The following DLGAP3 variants were observed in gnomAD, a reference collection of about 807,000 sequenced individuals.
The protein encoded by DLGAP3 is DLG associated protein 3, also known as disks large-associated protein 3.
Under a neutral mutation model 81.2 loss-of-function variants are expected in DLGAP3, and 17 were observed. The ratio of observed to expected loss-of-function variants is 0.21; its 90% CI spans 0.14 to 0.31. DLGAP3 has a LOEUF of 0.31. DLGAP3 is among the 10% of genes least tolerant of loss of function. DLGAP3 has a pLI of 1.00. For synonymous variants in DLGAP3, 577 were observed against 587.4 expected (o/e 0.98, Z 0.26); for missense variants, 1,124 against 1,388.0 (o/e 0.81, Z 3.02).
intron 2 of DLGAP3, among the ~76,000 whole-genome samples, chr1:34,906,640 T>C (rs915898770): frequency 2.1e-5 from 3 of 145,706 alleles, no homozygotes; most frequent in African/African-American, 7.3e-5. Flanking sequence ...AGGGGAATCA[T>C]GAAGGAGGAA....
At chr1:34,870,055 A>G (rs191252098) in intron 8 of DLGAP3, among the ~76,000 whole-genome samples, 2 of 152,358 alleles carry the variant, frequency 1.3e-5, no homozygotes, top group African/African-American at 4.8e-5. Context: ...GGCTCAGCCC[A>G]GAGCCTGGCC....
At chr1:34,876,441 A>G (rs1639058148) in intron 8 of DLGAP3, among the ~76,000 whole-genome samples, 1 of 152,236 alleles carries the variant, frequency 6.6e-6, no homozygotes, top group Admixed American at 6.5e-5. Context: ...AGAGAGTCAA[A>G]GAAAATGGGG....
At position 34,866,125 on chromosome 1, in the gene DLGAP3, G is replaced by A; in HGVS notation, c.2898C>T (p.Asp966=). Residue 966 remains aspartate (D), a synonymous_variant, in exon 12 of 12, where the codon GAC becomes GAT. Coordinates refer to ENST00000373347, the MANE Select transcript of DLGAP3 (RefSeq NM_001080418.3). ...CCTCGGGGATGTAGATCTCGATGCT[G>A]TCGGCGCTCTCGGTGGCCGAGCTGT... ...FRHSSATESA[D]SIEIYIPEAQ... 20 of 1,596,182 alleles carry A rather than the reference G, an allele frequency of 1.3e-5. No individual in the cohort carries two copies. The highest frequency in any genetic ancestry group is 1.7e-5 in the Non-Finnish European group (20 of 1,177,730).
chr1:34,881,766 T>C lies in DLGAP3; in HGVS notation c.2000+3212A>G, dbSNP rs573469726. On this transcript the variant is annotated intron_variant, in intron 8 of 11. Transcript: ENST00000373347. Reference sequence around the variant, plus strand: ...TTCATATAATTCACCATGTTACACATGGAAGGAGAAAAATCTATGATCATC... The same window carrying C: ...TTCATATAATTCACCATGTTACACACGGAAGGAGAAAAATCTATGATCATC... 3.3e-5 allele frequency among the ~76,000 whole-genome samples: 5 copies of C among 152,232 alleles called. No homozygotes were observed. The South Asian group carries it at 8.3e-4, about 25-fold the overall frequency.
At chr1:34,899,822 T>G in intron 4 of DLGAP3, 81 bp from the exon 5 acceptor site, 4 of 1,324,690 alleles carry the variant, frequency 3.0e-6, no homozygotes, top group Non-Finnish European at 3.3e-6. Context: ...CTGGGGCCCC[T>G]GAGTAAGTCC....
chr1:34,925,048 T>C (rs1203232203), intron 1 of DLGAP3, among the ~76,000 whole-genome samples: 1 of 152,078 alleles, frequency 6.6e-6, no homozygotes, highest in Non-Finnish European at 1.5e-5. Flanking sequence ...CCCAGCGACA[T>C]TGCCGGCCCC....
chr1:34,920,495 A>G (rs1197544812), intron 1 of DLGAP3, among the ~76,000 whole-genome samples: 4 of 152,122 alleles, frequency 2.6e-5, no homozygotes, highest in Non-Finnish European at 4.4e-5. Context: ...TCCCCTACTA[A>G]AACAGCAGAT....
intron 1 of DLGAP3, among the ~76,000 whole-genome samples, chr1:34,911,180 G>C (rs553185923): frequency 6.6e-6 from 1 of 151,984 alleles, no homozygotes; most frequent in African/African-American, 2.4e-5. Flanking sequence ...TGTCTGTGTT[G>C]CCAGCCCAGA....
intron 5 of DLGAP3, among the ~76,000 whole-genome samples, chr1:34,894,052 G>T (rs1639350732): frequency 6.6e-6 from 1 of 152,126 alleles, no homozygotes; most frequent in Admixed American, 6.6e-5. Context: ...GCCAGGCATG[G>T]TGGTATGTGT....
chr1:34,904,682 GTGGTGGTGGTGA>G lies in DLGAP3; in HGVS notation c.690_701del (p.His231_His234del), dbSNP rs771427418. 2.4e-5 allele frequency: 38 copies of G among 1,613,662 alleles called. No individual in the cohort carries two copies. Among genetic ancestry groups the G allele is most frequent in the African/African-American group, 9.3e-5 (7 of 74,918 alleles). On this transcript the variant is annotated inframe_deletion, in exon 3 of 12. Transcript: ENST00000373347. This position sits in a 1 kb window ranked among gnomAD's most constrained non-coding sequence, Gnocchi z 8.1. ...TGCTCCTCTTGCCGTGCCGGGACTG[GTGGTGGTGGTGA>G]TGGTGGTGGTGATGGTGGTGATGGG...
chr1:34,873,388 G>A lies in DLGAP3; in HGVS notation c.2001-4299C>T, dbSNP rs376350240. 6.6e-5 allele frequency among the ~76,000 whole-genome samples: 10 copies of A among 152,338 alleles called. No homozygotes were observed. Among genetic ancestry groups the A allele is most frequent in the East Asian group, 3.9e-4 (2 of 5,188 alleles). ...TTGGGTGGGGGCAGCGGAACAGAGC[G>A]GTTAGGCCCGTGTGCTCTGGAGCCT... is the stretch of plus-strand genomic sequence containing the variant. On this transcript the variant is annotated intron_variant, in intron 8 of 11. Coordinates refer to ENST00000373347, the MANE Select transcript of DLGAP3 (RefSeq NM_001080418.3). The surrounding 1 kb of genome is among the most constrained non-coding windows in gnomAD (Gnocchi z 4.2).
intron 5 of DLGAP3, among the ~76,000 whole-genome samples, chr1:34,887,220 G>T (rs1639247720): frequency 6.6e-6 from 1 of 151,960 alleles, no homozygotes; most frequent in African/African-American, 2.4e-5. Flanking sequence ...CTCTCAAAGT[G>T]CTGGGATTAT....
intron 8 of DLGAP3, among the ~76,000 whole-genome samples, chr1:34,870,342 A>C (rs1638960954): frequency 6.6e-6 from 1 of 152,168 alleles, no homozygotes; most frequent in African/African-American, 2.4e-5. Context: ...CAAGGTTTGG[A>C]AATTCAAGGA....
chr1:34,911,030 C>G (rs967679058), intron 1 of DLGAP3, among the ~76,000 whole-genome samples: 1 of 150,644 alleles, frequency 6.6e-6, no homozygotes, highest in South Asian at 2.1e-4. Flanking sequence ...CCACCCCCCC[C>G]CCACCACCTT....
intron 1 of DLGAP3, among the ~76,000 whole-genome samples, chr1:34,909,423 G>A (rs75549821): frequency 0.015 from 2,295 of 152,244 alleles, 52 homozygotes; most frequent in African/African-American, 0.053. Flanking sequence ...CGTAGCAGAG[G>A]CGGCCTACCC....
intron 1 of DLGAP3, chr1:34,925,531 G>C (rs1639860508): frequency 6.6e-6 from 1 of 152,582 alleles, no homozygotes; most frequent in African/African-American, 2.4e-5. Flanking sequence ...GGAGGGGAGA[G>C]GGGAGAGGGG....
At chr1:34,921,595 A>T (rs1212334001) in intron 1 of DLGAP3, among the ~76,000 whole-genome samples, 1 of 152,162 alleles carries the variant, frequency 6.6e-6, no homozygotes, top group African/African-American at 2.4e-5. Context: ...GAGGTCAAGG[A>T]CCATCCCTAG....
chr1:34,868,952 G>T lies in DLGAP3; in HGVS notation c.2138C>A (p.Ala713Asp), dbSNP rs756086794. ...LQFGRSFQRH[A>D]SEPQPGPRAP... ...CCGGGGCCCAGGCTGGGGCTCAGAG[G>T]CGTGCCTCTGGAAGGAGCGTCCAAA... is the stretch of plus-strand genomic sequence containing the variant. Residue 713 changes from alanine (A) to aspartate (D), a missense_variant, in exon 9 of 12, where the codon GCC becomes GAC. Ala to Asp is a moderately radical substitution (Grantham distance 126, BLOSUM62 -2). Coordinates refer to ENST00000373347, the MANE Select transcript of DLGAP3 (RefSeq NM_001080418.3). This position sits in a 1 kb window ranked among gnomAD's most constrained non-coding sequence, Gnocchi z 7.5. The T allele has an allele frequency of 6.2e-7, 1 of 1,609,994 alleles. No homozygotes were observed. Among genetic ancestry groups the T allele is most frequent in the Non-Finnish European group, 8.5e-7 (1 of 1,179,878 alleles).
rs757062707 is a variant in DLGAP3, at chr1:34,886,096, C to A, written c.1576G>T (p.Ala526Ser). 3.1e-6 allele frequency: 5 copies of A among 1,605,608 alleles called. No homozygotes were observed. Among genetic ancestry groups the A allele is most frequent in the Admixed American group, 1.7e-5 (1 of 58,828 alleles). The change falls in exon 6 of 12, where the codon GCT (alanine) becomes TCT (serine). Residue 526 changes from alanine (A) to serine (S), a missense_variant. Ala to Ser is a moderately conservative substitution (Grantham distance 99). Around this residue, in one of 9 missense-constraint regions of DLGAP3, gnomAD observed 379 missense variants for 455.7 expected, o/e 0.83. Coordinates refer to ENST00000373347, the MANE Select transcript of DLGAP3 (RefSeq NM_001080418.3). ...DCLPLLATPA[A>S]VSGRPGSSFN... The stretch of plus-strand genomic sequence containing the variant: ...CAGGAGCCGGGCCTCCCTGAGACAG[C>A]GGCAGGGGTAGCGAGGAGGGGCAGG...
Sources: allele counts gnomAD v4.1 joint callset (sites outside exome capture counted in the v4.1 genomes callset), GRCh38; gene constraint gnomAD v4.1.1; regional missense constraint gnomAD v4.1.1; non-coding constraint Gnocchi (gnomAD v3.1); transcripts MANE v1.5; gene names NCBI Gene and HGNC (gene_info 2026-07-23, HGNC 2026-07-21).